Variants in GABRB3 observed in about 807,000 individuals in gnomAD.
The protein encoded by GABRB3 is gamma-aminobutyric acid type A receptor subunit beta3.
GABRB3 carries 14 observed loss-of-function variants against 52.1 expected under a neutral mutation model. The ratio of observed to expected loss-of-function variants is 0.27; its 90% CI spans 0.18 to 0.42. The LOEUF (loss-of-function observed/expected upper bound fraction) is 0.42. Among genes scored for constraint, GABRB3 ranks in the 10% least tolerant of loss-of-function variants. The pLI is 1.00. For synonymous variants in GABRB3, 260 were observed against 232.3 expected (o/e 1.12, Z -1.08); for missense variants, 307 against 609.1 (o/e 0.50, Z 5.22).
At chr15:26,734,275 C>T (rs12441017) in intron 3 of GABRB3, among the ~76,000 whole-genome samples, 21 of 152,094 alleles carry the variant, frequency 1.4e-4, no homozygotes, top group African/African-American at 4.3e-4. Flanking sequence ...AGGTGATCCG[C>T]CTGCCTCGGC....
intron 3 of GABRB3, chr15:26,629,116 T>G: frequency 6.5e-7 from 1 of 1,530,354 alleles, no homozygotes. Context: ...TCTCTGCTCT[T>G]TACAGGAGAG....
At chr15:26,699,115 T>C (rs1190631853) in intron 3 of GABRB3, among the ~76,000 whole-genome samples, 1 of 151,538 alleles carries the variant, frequency 6.6e-6, no homozygotes, top group Admixed American at 6.6e-5. Context: ...GGAATATAAA[T>C]ATTAGAGGAA....
At chr15:26,714,190 CT>C (rs1486774615) in intron 3 of GABRB3, among the ~76,000 whole-genome samples, 5 of 152,192 alleles carry the variant, frequency 3.3e-5, no homozygotes, top group African/African-American at 1.2e-4. Context: ...GTAAAAAGAG[CT>C]TCATAAGTGT....
chr15:26,705,574 T>C (rs1170655373), intron 3 of GABRB3, among the ~76,000 whole-genome samples: 1 of 152,014 alleles, frequency 6.6e-6, no homozygotes, highest in East Asian at 1.9e-4. Context: ...CATGGATAAA[T>C]CTCAAAAACC....
At chr15:26,655,148 A>G (rs1008607065) in intron 3 of GABRB3, among the ~76,000 whole-genome samples, 1 of 152,244 alleles carries the variant, frequency 6.6e-6, no homozygotes, top group African/African-American at 2.4e-5. Context: ...TGTGTTGCAC[A>G]TATGGGTTAA....
chr15:26,633,703 C>T (rs1434471144), intron 3 of GABRB3, among the ~76,000 whole-genome samples: 2 of 152,218 alleles, frequency 1.3e-5, no homozygotes, highest in Non-Finnish European at 1.5e-5. Context: ...CAAAGCCCCA[C>T]GTCTATCACC....
chr15:26,549,651 G>A (rs1281046782), intron 8 of GABRB3, among the ~76,000 whole-genome samples: 1 of 152,102 alleles, frequency 6.6e-6, no homozygotes, highest in Non-Finnish European at 1.5e-5. Context: ...GATGAACCAA[G>A]CATACAACCA....
chr15:26,629,055 C>T (rs541929374), intron 3 of GABRB3: 1 of 1,536,096 alleles, frequency 6.5e-7, no homozygotes, highest in Admixed American at 2.0e-5. Context: ...CCAAAGACTC[C>T]GAGAGCCTCC....
intron 3 of GABRB3, among the ~76,000 whole-genome samples, chr15:26,622,341 T>C (rs1892514808): frequency 6.6e-6 from 1 of 151,940 alleles, no homozygotes; most frequent in African/African-American, 2.4e-5. Context: ...AATCAGAGGC[T>C]AGACATGGCA....
At chr15:26,741,621 T>A (rs752202449) in intron 3 of GABRB3, among the ~76,000 whole-genome samples, 155 of 152,256 alleles carry the variant, frequency 1.0e-3, no homozygotes, top group Non-Finnish European at 1.3e-3. Flanking sequence ...GTTTGTCTGT[T>A]TTTTGGAGAT....
chr15:26,766,715 G>A (rs1343667859), intron 3 of GABRB3, among the ~76,000 whole-genome samples: 2 of 151,534 alleles, frequency 1.3e-5, no homozygotes, highest in African/African-American at 4.9e-5. Flanking sequence ...AACTCCAACT[G>A]CAACCTACCA....
intron 3 of GABRB3, among the ~76,000 whole-genome samples, chr15:26,639,280 A>AC (rs1893136199): frequency 6.7e-6 from 1 of 149,704 alleles, no homozygotes; most frequent in South Asian, 2.1e-4. Flanking sequence ...AATACAGTAG[A>AC]CCCCCTGTAT....
chr15:26,722,434 A>C (rs796123209), intron 3 of GABRB3, among the ~76,000 whole-genome samples: 2 of 152,316 alleles, frequency 1.3e-5, no homozygotes, highest in African/African-American at 4.8e-5. Context: ...GGTCTTGGCG[A>C]CATAGGCACT....
intron 3 of GABRB3, among the ~76,000 whole-genome samples, chr15:26,732,574 T>TAA (rs1889960601): frequency 6.7e-6 from 1 of 150,088 alleles, no homozygotes; most frequent in African/African-American, 2.5e-5. Context: ...CAAAAAAATT[T>TAA]TTTTTTTTTT....
chr15:26,549,858 A>G (rs1318432577), intron 8 of GABRB3, among the ~76,000 whole-genome samples: 1 of 149,578 alleles, frequency 6.7e-6, no homozygotes, highest in Non-Finnish European at 1.5e-5. Flanking sequence ...CAGTTCCAGG[A>G]AAGAGATTTG....
chr15:26,758,327 G>T (rs1204950359), intron 3 of GABRB3, among the ~76,000 whole-genome samples: 1 of 152,162 alleles, frequency 6.6e-6, no homozygotes, highest in African/African-American at 2.4e-5. Context: ...AATTAACAGA[G>T]GCTTGCTTTC....
chr15:26,765,485 T>C (rs1890972209), intron 3 of GABRB3, among the ~76,000 whole-genome samples: 2 of 152,236 alleles, frequency 1.3e-5, no homozygotes, highest in South Asian at 4.1e-4. Context: ...GCCTGTAAGA[T>C]TCTTCTTTGT....
In GABRB3 at chr15:26,704,013, T is replaced by G. The variant is rs533453364; in HGVS notation, c.240+68389A>C. ...AGCCAGGCCCCAAGACTCCACTAGG[T>G]AATGCGTTATGGAGGCTGTCTGTGA... On this transcript the variant is annotated intron_variant, in intron 3 of 8. Coordinates refer to ENST00000311550, the MANE Select transcript of GABRB3 (RefSeq NM_000814.6). Among the ~76,000 whole-genome samples, 237 of 152,306 alleles carry G rather than the reference T, an allele frequency of 1.6e-3. 2 individuals carry two copies. Among genetic ancestry groups the G allele is most frequent in the Non-Finnish European group, 1.9e-3 (131 of 68,014 alleles).
chr15:26,677,288 A>T (rs1888100317), intron 3 of GABRB3, among the ~76,000 whole-genome samples: 1 of 152,338 alleles, frequency 6.6e-6, no homozygotes, highest in East Asian at 1.9e-4. Context: ...CCCTTCGCTG[A>T]TTTCAAACAT....
Sources: gnomAD v4.1 joint callset for allele counts (sites outside exome capture counted in the v4.1 genomes callset) on GRCh38, gnomAD v4.1.1 for gene constraint, MANE v1.5 for transcripts, NCBI Gene and HGNC (gene_info 2026-07-23, HGNC 2026-07-21) for gene names.